The following NELL1 variants were observed in gnomAD, a reference collection of about 807,000 sequenced individuals.
The protein encoded by NELL1 is protein kinase C-binding protein NELL1.
In NELL1, 76 loss-of-function variants were observed where a neutral mutation model predicts 107.4. That is an observed-to-expected ratio of 0.71 (90% CI 0.59 to 0.86). NELL1 has a LOEUF of 0.86. Among genes scored for constraint, NELL1 ranks in the 40% least tolerant of loss-of-function variants. The pLI, the probability that NELL1 is intolerant of heterozygous loss-of-function variation, is 0.00. For missense variants in NELL1, 1,024 were observed against 1,005.5 expected, an observed-to-expected ratio of 1.02 and a Z score of -0.25; for synonymous variants, 353 against 341.2, an observed-to-expected ratio of 1.03 and a Z score of -0.38.
chr11:21,389,396 A>G (rs947036181), intron 15 of NELL1, among the ~76,000 whole-genome samples: 19 of 151,762 alleles, frequency 1.3e-4, no homozygotes, highest in African/African-American at 4.4e-4. Context: ...TCTCTCCTCA[A>G]TTCTTATAAC....
chr11:21,121,019 G>T (rs73464403), intron 13 of NELL1, among the ~76,000 whole-genome samples: 2,122 of 152,182 alleles, frequency 0.014, 41 homozygotes, highest in African/African-American at 0.048. Context: ...CTCACCTCAG[G>T]GTTGAATCAC....
intron 2 of NELL1, among the ~76,000 whole-genome samples, chr11:20,717,390 C>T (rs907379295): frequency 6.6e-6 from 1 of 152,124 alleles, no homozygotes; most frequent in African/African-American, 2.4e-5. Context: ...CAAGATTTTC[C>T]CTGACTCATG....
chr11:21,364,924 T>C (rs999083445), intron 14 of NELL1, among the ~76,000 whole-genome samples: 6 of 152,186 alleles, frequency 3.9e-5, no homozygotes, highest in Non-Finnish European at 8.8e-5. Context: ...CAGTGTGAGT[T>C]ATAAACACCT....
At chr11:21,401,674 C>T (rs1341223655) in intron 15 of NELL1, among the ~76,000 whole-genome samples, 7 of 151,672 alleles carry the variant, frequency 4.6e-5, no homozygotes, top group Non-Finnish European at 7.4e-5. Context: ...AAGGCAGACT[C>T]ATTAGCATTT....
At chr11:21,141,677 A>T (rs902934151) in intron 13 of NELL1, among the ~76,000 whole-genome samples, 1 of 152,192 alleles carries the variant, frequency 6.6e-6, no homozygotes, top group African/African-American at 2.4e-5. Flanking sequence ...GGCAAACTTC[A>T]AGCACTTAGG....
At chr11:21,012,846 C>T (rs1852477353) in intron 12 of NELL1, among the ~76,000 whole-genome samples, 1 of 152,014 alleles carries the variant, frequency 6.6e-6, no homozygotes, top group Non-Finnish European at 1.5e-5. Context: ...AATGCAGGGT[C>T]TGAAAAATAC....
chr11:20,689,274 T>G (rs1854390150), intron 2 of NELL1, among the ~76,000 whole-genome samples: 1 of 151,644 alleles, frequency 6.6e-6, no homozygotes, highest in Non-Finnish European at 1.5e-5. Context: ...GAAGCCCTTT[T>G]TTTATTTTTT....
intron 13 of NELL1, among the ~76,000 whole-genome samples, chr11:21,201,314 G>A (rs931539211): frequency 7.2e-5 from 11 of 152,008 alleles, no homozygotes; most frequent in South Asian, 2.1e-4. Context: ...CTTGAGTAGC[G>A]GTTTGTAGTT....
At chr11:21,193,322 A>G (rs935326607) in intron 13 of NELL1, among the ~76,000 whole-genome samples, 2 of 151,806 alleles carry the variant, frequency 1.3e-5, no homozygotes, top group African/African-American at 4.9e-5. Context: ...TCAGAAATAA[A>G]GCACGCAAGA....
At chr11:21,489,363 T>C (rs1319211413) in intron 15 of NELL1, among the ~76,000 whole-genome samples, 1 of 77,202 alleles carries the variant, frequency 1.3e-5, no homozygotes, top group East Asian at 3.9e-4. Flanking sequence ...CTAACACCAA[T>C]CTTCCTGAAA....
At chr11:21,307,398 A>G in intron 14 of NELL1, among the ~76,000 whole-genome samples, 1 of 151,624 alleles carries the variant, frequency 6.6e-6, no homozygotes, top group East Asian at 1.9e-4. Context: ...TATGTAACAG[A>G]AAAAAAAGAA....
chr11:21,221,332 C>A (rs1172939663), intron 13 of NELL1, among the ~76,000 whole-genome samples: 1 of 152,068 alleles, frequency 6.6e-6, no homozygotes, highest in African/African-American at 2.4e-5. Flanking sequence ...GGATATTGGC[C>A]TTTAATTTGC....
chr11:21,357,535 G>T (rs1156252687), intron 14 of NELL1, among the ~76,000 whole-genome samples: 1 of 152,068 alleles, frequency 6.6e-6, no homozygotes, highest in Admixed American at 6.6e-5. Context: ...TGAGTTCCTT[G>T]AAGAGTCTGG....
chr11:21,132,361 A>C (rs1037632258), intron 13 of NELL1, among the ~76,000 whole-genome samples: 1 of 152,138 alleles, frequency 6.6e-6, no homozygotes, highest in Admixed American at 6.5e-5. Context: ...GCTCAGGCCC[A>C]TTGGGCTCGT....
At chr11:21,058,743 CA>C in intron 12 of NELL1, among the ~76,000 whole-genome samples, 1 of 152,196 alleles carries the variant, frequency 6.6e-6, no homozygotes, top group Middle Eastern at 3.4e-3. Flanking sequence ...TTTATATAAA[CA>C]GGGCTTTAGC....
chr11:21,223,186 C>G (rs887129773), intron 13 of NELL1, among the ~76,000 whole-genome samples: 4 of 151,970 alleles, frequency 2.6e-5, no homozygotes, highest in African/African-American at 9.7e-5. Context: ...CTCTCTCTCT[C>G]TCTTTCTCTT....
At chr11:21,488,109 CA>C (rs1854689107) in intron 15 of NELL1, among the ~76,000 whole-genome samples, 1 of 152,084 alleles carries the variant, frequency 6.6e-6, no homozygotes, top group Non-Finnish European at 1.5e-5. Flanking sequence ...CACCATTAGA[CA>C]GATTCTCTAG....
At chr11:21,077,873 C>T (rs1450192649) in intron 12 of NELL1, among the ~76,000 whole-genome samples, 1 of 151,660 alleles carries the variant, frequency 6.6e-6, no homozygotes, top group African/African-American at 2.4e-5. Context: ...GAAAGAAAGA[C>T]AGAAAAGATG....
chr11:21,066,685 C>T (rs989616559), intron 12 of NELL1, among the ~76,000 whole-genome samples: 3 of 152,076 alleles, frequency 2.0e-5, no homozygotes, highest in East Asian at 1.9e-4. Context: ...TGTGGTGGCT[C>T]ATGACTGTAA....
Sources: gnomAD v4.1 joint callset for allele counts (sites outside exome capture counted in the v4.1 genomes callset) on GRCh38, gnomAD v4.1.1 for gene constraint, MANE v1.5 for transcripts, NCBI Gene and HGNC (gene_info 2026-07-23, HGNC 2026-07-21) for gene names.